The following HCRTR2 variants were observed in gnomAD, a reference collection of about 807,000 sequenced individuals.
HCRTR2 encodes the protein orexin receptor type 2.
In HCRTR2, 22 loss-of-function variants were observed where a neutral mutation model predicts 49.0. The observed-to-expected ratio is 0.45, with a 90% CI of 0.32 to 0.64. HCRTR2 has a LOEUF of 0.64. HCRTR2 is among the 30% of genes least tolerant of loss of function. The probability of loss-of-function intolerance (pLI) is 0.04; values close to 1 mark genes in which losing one functional copy is unlikely to be tolerated. For missense variants in HCRTR2, 491 were observed against 559.4 expected (o/e 0.88, Z 1.23); for synonymous variants, 236 against 205.3 (o/e 1.15, Z -1.28).
chr6:55,156,327 A>G (rs1398367336), intron 1 of HCRTR2, among the ~76,000 whole-genome samples: 1 of 152,044 alleles, frequency 6.6e-6, no homozygotes, highest in Non-Finnish European at 1.5e-5. Flanking sequence ...AATCTAATAA[A>G]TACTGAAATT....
At chr6:55,251,737 T>C (rs915137018) in intron 2 of HCRTR2, among the ~76,000 whole-genome samples, 1 of 152,060 alleles carries the variant, frequency 6.6e-6, no homozygotes, top group African/African-American at 2.4e-5. Flanking sequence ...CTTTGCCGTA[T>C]CTATTTGCTA....
At chr6:55,256,555 G>T (rs1449401471) in intron 3 of HCRTR2, among the ~76,000 whole-genome samples, 2 of 151,994 alleles carry the variant, frequency 1.3e-5, no homozygotes, top group African/African-American at 4.8e-5. Context: ...TTTATAATTT[G>T]CTTTATCTAT....
intron 1 of HCRTR2, among the ~76,000 whole-genome samples, chr6:55,121,880 T>C (rs1177772569): frequency 1.3e-5 from 2 of 152,140 alleles, no homozygotes; most frequent in African/African-American, 4.8e-5. Flanking sequence ...TTATTGAGGA[T>C]TTTTGCATCG....
intron 1 of HCRTR2, among the ~76,000 whole-genome samples, chr6:55,160,042 G>A (rs1426346550): frequency 6.6e-6 from 1 of 152,072 alleles, no homozygotes; most frequent in Admixed American, 6.5e-5. Flanking sequence ...ATTGTCAGAT[G>A]CACCAAGGTT....
At chr6:55,122,896 T>C (rs894097714) in intron 1 of HCRTR2, among the ~76,000 whole-genome samples, 9 of 138,084 alleles carry the variant, frequency 6.5e-5, no homozygotes, top group Admixed American at 8.6e-5. Flanking sequence ...ATGTTCTCAC[T>C]CATAGGTGGG....
chr6:55,128,823 A>G (rs1355988128), intron 1 of HCRTR2, among the ~76,000 whole-genome samples: 1 of 152,166 alleles, frequency 6.6e-6, no homozygotes, highest in Admixed American at 6.6e-5. Context: ...TATTTATTTA[A>G]TATACTGTGG....
At chr6:55,134,280 C>T in intron 1 of HCRTR2, among the ~76,000 whole-genome samples, 1 of 151,550 alleles carries the variant, frequency 6.6e-6, no homozygotes, top group Non-Finnish European at 1.5e-5. Context: ...TCTTTTCAAG[C>T]AAAACAGAAC....
At chr6:55,231,181 A>G (rs1766107566) in intron 1 of HCRTR2, among the ~76,000 whole-genome samples, 1 of 152,192 alleles carries the variant, frequency 6.6e-6, no homozygotes, top group African/African-American at 2.4e-5. Flanking sequence ...AAATTTATAC[A>G]TAACACTCAC....
intron 1 of HCRTR2, among the ~76,000 whole-genome samples, chr6:55,215,074 C>T: frequency 6.6e-6 from 1 of 152,010 alleles, no homozygotes; most frequent in East Asian, 1.9e-4. Flanking sequence ...ATTCTGAATC[C>T]AGAGCACAAT....
chr6:55,263,570 C>T (rs1766807502), intron 3 of HCRTR2, 137 bp from the exon 4 acceptor site: 1 of 649,472 alleles, frequency 1.5e-6, no homozygotes, highest in East Asian at 2.7e-5. Flanking sequence ...AATTATTTTT[C>T]CCCTTTGCAT....
Position 55,282,252 on chromosome 6 carries a change from C to T in HCRTR2, c.1133C>T (p.Ala378Val), listed in dbSNP as rs768933844. 1.7e-5 allele frequency: 27 copies of T among 1,613,542 alleles called. No homozygotes were observed. Among genetic ancestry groups the T allele is most frequent in the East Asian group, 6.7e-5 (3 of 44,866 alleles). The stretch of plus-strand genomic sequence containing the variant: ...AAATTTCGAGAGGAATTTAAAGCTG[C>T]GTTTTCTTGCTGTTGCCTTGGAGTT... ...SGKFREEFKA[A>V]FSCCCLGVHH... The change falls in exon 7 of 7, where the codon GCG (alanine) becomes GTG (valine). Residue 378 changes from alanine (A) to valine (V), a missense_variant. By Grantham distance (64) the Ala-to-Val change is moderately conservative. Transcript: ENST00000370862.
intron 1 of HCRTR2, among the ~76,000 whole-genome samples, chr6:55,221,285 A>G (rs1393269205): frequency 6.6e-6 from 1 of 152,222 alleles, no homozygotes; most frequent in East Asian, 1.9e-4. Flanking sequence ...AACATATTCC[A>G]AAGCCATTGT....
chr6:55,111,484 C>T (rs1764048504), intron 1 of HCRTR2, among the ~76,000 whole-genome samples: 1 of 151,910 alleles, frequency 6.6e-6, no homozygotes, highest in Non-Finnish European at 1.5e-5. Flanking sequence ...ACTGATACCA[C>T]AGAAATATGA....
At chr6:55,258,008 C>T (rs900529048) in intron 3 of HCRTR2, among the ~76,000 whole-genome samples, 1 of 151,882 alleles carries the variant, frequency 6.6e-6, no homozygotes, top group Non-Finnish European at 1.5e-5. Context: ...ATGATGATTT[C>T]TACATAGCAT....
chr6:55,117,084 G>A (rs1303893598), intron 1 of HCRTR2, among the ~76,000 whole-genome samples: 1 of 151,768 alleles, frequency 6.6e-6, no homozygotes, highest in East Asian at 1.9e-4. Context: ...ACTGAGAAAA[G>A]CTAAGTCATG....
chr6:55,269,813 G>C (rs575032631), intron 4 of HCRTR2, among the ~76,000 whole-genome samples: 1 of 152,004 alleles, frequency 6.6e-6, no homozygotes, highest in Admixed American at 6.6e-5. Context: ...ACAAAAATGA[G>C]CCAGGCATGG....
intron 1 of HCRTR2, among the ~76,000 whole-genome samples, chr6:55,234,671 G>GA (rs1562016494): frequency 2.0e-5 from 3 of 151,948 alleles, no homozygotes; most frequent in Admixed American, 2.0e-4. Flanking sequence ...CAAAAAGTGG[G>GA]GAAAAAAACT....
intron 1 of HCRTR2, among the ~76,000 whole-genome samples, chr6:55,197,393 C>G (rs1174698138): frequency 1.3e-5 from 2 of 152,108 alleles, no homozygotes; most frequent in South Asian, 4.1e-4. Flanking sequence ...TAAACATAGG[C>G]CCAAATATAA....
chr6:55,209,282 G>A (rs1251288691), intron 1 of HCRTR2, among the ~76,000 whole-genome samples: 2 of 152,026 alleles, frequency 1.3e-5, no homozygotes, highest in African/African-American at 4.8e-5. Context: ...AAGGTTTATT[G>A]GTCAGGAAAA....
Sources: gnomAD v4.1 joint callset for allele counts (sites outside exome capture counted in the v4.1 genomes callset) on GRCh38, gnomAD v4.1.1 for gene constraint, MANE v1.5 for transcripts, NCBI Gene and HGNC (gene_info 2026-07-23, HGNC 2026-07-21) for gene names.